Variants in ASAP3 observed in about 807,000 individuals in gnomAD.
The protein encoded by ASAP3 is ArfGAP with SH3 domain, ankyrin repeat and PH domain 3, also known as arf-GAP with SH3 domain, ANK repeat and PH domain-containing protein 3.
In ASAP3, 85 loss-of-function variants were observed where a neutral mutation model predicts 118.2. The ratio of observed to expected loss-of-function variants is 0.72; its 90% CI spans 0.60 to 0.86. The LOEUF is 0.86. Ranked by LOEUF, ASAP3 falls within the 40% of genes least tolerant of loss-of-function variation. The pLI is 0.00. For synonymous variants in ASAP3, 432 were observed against 477.4 expected, an observed-to-expected ratio of 0.90 and a Z score of 1.24; for missense variants, 1,026 against 1,175.0, an observed-to-expected ratio of 0.87 and a Z score of 1.85.
intron 1 of ASAP3, among the ~76,000 whole-genome samples, chr1:23,464,360 T>C (rs922168095): frequency 6.6e-6 from 1 of 151,708 alleles, no homozygotes; most frequent in Non-Finnish European, 1.5e-5. Flanking sequence ...CTAATTTTTG[T>C]ATTTTTAGTA....
intron 1 of ASAP3, among the ~76,000 whole-genome samples, chr1:23,483,733 C>T (rs1348509708): frequency 6.6e-6 from 1 of 152,208 alleles, no homozygotes; most frequent in Non-Finnish European, 1.5e-5. Flanking sequence ...TGTGATGAGG[C>T]GGTCACGCGG....
chr1:23,484,225 GT>G, upstream of ASAP3: 1 of 1,166,540 alleles, frequency 8.6e-7, no homozygotes, highest in South Asian at 4.3e-5. Context: ...CGGGGGCGCC[GT>G]CCCGGCCTCC....
intron 1 of ASAP3, among the ~76,000 whole-genome samples, chr1:23,463,025 G>A (rs1215609166): frequency 6.6e-6 from 1 of 152,086 alleles, no homozygotes; most frequent in Non-Finnish European, 1.5e-5. Flanking sequence ...GGGAATGCTT[G>A]GTAAAAAATG....
upstream of ASAP3, chr1:23,484,209 G>A (rs991845898): frequency 2.2e-5 from 27 of 1,202,376 alleles, no homozygotes; most frequent in East Asian, 7.6e-4. Context: ...CGGCCTCACC[G>A]CCGGCCGGGG....
intron 1 of ASAP3, among the ~76,000 whole-genome samples, chr1:23,465,507 T>C (rs1241568134): frequency 1.3e-5 from 2 of 149,318 alleles, no homozygotes; most frequent in Non-Finnish European, 3.0e-5. Context: ...TTTTTCTTTC[T>C]TTTTTTTTGG....
chr1:23,483,981 C>T, intron 1 of ASAP3, 24 bp downstream of exon 1: 1 of 1,269,586 alleles, frequency 7.9e-7, no homozygotes, highest in South Asian at 2.7e-5. Context: ...CGACCCCCGA[C>T]CCCTCCCGCC....
At chr1:23,434,642 A>C (rs1411472585) in intron 17 of ASAP3, 24 bp from the exon 18 acceptor site, 2 of 1,608,326 alleles carry the variant, frequency 1.2e-6, no homozygotes, top group Non-Finnish European at 1.7e-6. Flanking sequence ...CACACCTCTG[A>C]GATTCCCCCC....
intron 1 of ASAP3, among the ~76,000 whole-genome samples, chr1:23,466,884 T>C (rs1641786168): frequency 6.6e-6 from 1 of 152,108 alleles, no homozygotes; most frequent in East Asian, 1.9e-4. Flanking sequence ...TATTATTATT[T>C]TGAGATGAAA....
chr1:23,483,413 C>T (rs1436802698), intron 1 of ASAP3, among the ~76,000 whole-genome samples: 1 of 152,154 alleles, frequency 6.6e-6, no homozygotes, highest in Non-Finnish European at 1.5e-5. Flanking sequence ...AAAGAAAAGG[C>T]CTGGGACGCT....
Position 23,434,260 on chromosome 1 carries a change from C to G in ASAP3, c.1945G>C (p.Gly649Arg), listed in dbSNP as rs747044302. The G allele has an allele frequency of 7.4e-6, 12 of 1,613,972 alleles. No individual in the cohort carries two copies. Among genetic ancestry groups the G allele is most frequent in the Non-Finnish European group, 1.0e-5 (12 of 1,180,000 alleles). ...GGAGGTATTCAAGCCCCACCTGTGC[C>G]AACCAAAGCTCTCCCCTTCAGCAGC... Reference protein sequence around the residue: ...KLLLKGRALVGTVNEAGETAL... With the variant: ...KLLLKGRALVRTVNEAGETAL... The change falls in exon 19 of 25, where the codon GGC becomes CGC. Residue 649 changes from glycine to arginine, a missense_variant. Coordinates refer to ENST00000336689, the MANE Select transcript of ASAP3 (RefSeq NM_017707.4).
At chr1:23,465,535 A>C (rs1641739988) in intron 1 of ASAP3, among the ~76,000 whole-genome samples, 2 of 147,298 alleles carry the variant, frequency 1.4e-5, no homozygotes, top group African/African-American at 5.0e-5. Context: ...ATAGACTCTC[A>C]CTCTCGCCCA....
rs142619271 is a variant in ASAP3, at chr1:23,456,128, C to T, written c.196G>A (p.Gly66Ser). ...ACCCAGGAGGCTCACTTACCAAGGC[C>T]GGAGCTATGGATTGCCCGCACAGCC... ...KKAVRAIHSS[G>S]LGHVENEEQY... Residue 66 changes from glycine to serine, a missense_variant, in exon 2 of 25, where the codon GGC becomes AGC. Gly to Ser is a moderately conservative substitution (Grantham distance 56). Transcript: ENST00000336689. 32 of 1,613,994 alleles carry T rather than the reference C, an allele frequency of 2.0e-5. No individual in the cohort carries two copies. The Admixed American group carries it at 2.7e-4, about 13-fold the overall frequency.
intron 10 of ASAP3, among the ~76,000 whole-genome samples, chr1:23,439,527 T>A (rs559217545): frequency 6.6e-6 from 1 of 152,228 alleles, no homozygotes; most frequent in South Asian, 2.1e-4. Flanking sequence ...GAGCTCCCAG[T>A]CTGATGGGGG....
chr1:23,484,386 C>A (rs924019930), upstream of ASAP3: 5 of 293,968 alleles, frequency 1.7e-5, no homozygotes, highest in South Asian at 1.5e-4. Flanking sequence ...CGCGTCAGGC[C>A]GCTTCCCCGG....
Position 23,436,091 on chromosome 1 carries a change from C to A in ASAP3, c.1572-63G>T, listed in dbSNP as rs554577193. On this transcript the variant is annotated intron_variant, in intron 16 of 24. Transcript: ENST00000336689. This position sits in a 1 kb window ranked among gnomAD's most constrained non-coding sequence, Gnocchi z 4.2. ...GTGTCTGCCCAGCTGATCCCTGGGGCCCTCCCACAGGAGATACAGCTCTCT... is the reference window on the plus strand; with the variant it reads ...GTGTCTGCCCAGCTGATCCCTGGGGACCTCCCACAGGAGATACAGCTCTCT... 1 of 1,555,906 alleles carries A rather than the reference C, an allele frequency of 6.4e-7. No homozygotes were observed. The highest frequency in any genetic ancestry group is 2.3e-5 in the East Asian group (1 of 44,416).
intron 19 of ASAP3, 131 bp downstream of exon 19, chr1:23,434,123 G>A: frequency 1.2e-6 from 1 of 831,154 alleles, no homozygotes. Context: ...AAATTCAAGA[G>A]CTGAATGACA....
intron 23 of ASAP3, 145 bp from the exon 24 acceptor site, chr1:23,431,270 G>T: frequency 1.3e-6 from 1 of 763,138 alleles, no homozygotes; most frequent in Admixed American, 2.6e-5. Context: ...TCCATCACAG[G>T]CCCAAGAAGG....
In ASAP3 at chr1:23,455,965, C is replaced by A; in HGVS notation, c.264G>T (p.Leu88=). ...TGGACAGCTCATGGCTGTTCTGGGA[C>A]AGGTGGCTGTTGCCTAAGGATTCCA... is the stretch of plus-strand genomic sequence containing the variant. ...EAVESLGNSH[L]SQNSHELSTG... Residue 88 remains leucine (L), a synonymous_variant, in exon 3 of 25, where the codon CTG becomes CTT. Coordinates refer to ENST00000336689, the MANE Select transcript of ASAP3 (RefSeq NM_017707.4). 1 of 1,614,162 alleles carries A rather than the reference C, an allele frequency of 6.2e-7. No homozygotes were observed. Among genetic ancestry groups the A allele is most frequent in the Non-Finnish European group, 8.5e-7 (1 of 1,180,038 alleles).
chr1:23,466,175 T>C (rs913968092), intron 1 of ASAP3, among the ~76,000 whole-genome samples: 8 of 152,156 alleles, frequency 5.3e-5, no homozygotes, highest in African/African-American at 1.9e-4. Flanking sequence ...AGACTTCAGC[T>C]CAAACAGGGG....
Sources: allele counts gnomAD v4.1 joint callset (sites outside exome capture counted in the v4.1 genomes callset), GRCh38; gene constraint gnomAD v4.1.1; non-coding constraint Gnocchi (gnomAD v3.1); transcripts MANE v1.5; gene names NCBI Gene and HGNC (gene_info 2026-07-23, HGNC 2026-07-21).